KCNH8: variants seen among roughly 807,000 people sequenced by gnomAD.
KCNH8 encodes voltage-gated delayed rectifier potassium channel KCNH8.
In KCNH8, 70 loss-of-function variants were observed where a neutral mutation model predicts 103.6. The ratio of observed to expected loss-of-function variants is 0.68; its 90% CI spans 0.56 to 0.82. The LOEUF (loss-of-function observed/expected upper bound fraction) is 0.82, where lower values mean the gene tolerates loss of function less well. KCNH8 is among the 40% of genes least tolerant of loss of function. The probability of loss-of-function intolerance (pLI) is 0.00; values close to 1 mark genes in which losing one functional copy is unlikely to be tolerated. For missense variants in KCNH8, 1,217 were observed against 1,329.9 expected, an observed-to-expected ratio of 0.92 and a Z score of 1.32; for synonymous variants, 498 against 489.4, an observed-to-expected ratio of 1.02 and a Z score of -0.23.
chr3:19,483,760 C>T (rs925220949), intron 11 of KCNH8, among the ~76,000 whole-genome samples: 2 of 152,056 alleles, frequency 1.3e-5, no homozygotes, highest in African/African-American at 4.8e-5. Context: ...CCAGTCTGGC[C>T]CCATCGATTC....
chr3:19,151,135 C>G (rs1443424670), intron 1 of KCNH8, among the ~76,000 whole-genome samples: 1 of 151,914 alleles, frequency 6.6e-6, no homozygotes, highest in African/African-American at 2.4e-5. Flanking sequence ...ATTTTTCCAG[C>G]TAGCTATTTA....
At chr3:19,467,233 A>G (rs2067757076) in intron 11 of KCNH8, among the ~76,000 whole-genome samples, 1 of 152,106 alleles carries the variant, frequency 6.6e-6, no homozygotes, top group Non-Finnish European at 1.5e-5. Context: ...TTAAAAATAT[A>G]CATGTTAAAA....
At chr3:19,384,938 A>G (rs1325001837) in intron 5 of KCNH8, among the ~76,000 whole-genome samples, 1 of 152,198 alleles carries the variant, frequency 6.6e-6, no homozygotes, top group Non-Finnish European at 1.5e-5. Flanking sequence ...GGGTGGAGGT[A>G]GAACCCAAAT....
At chr3:19,441,096 G>T (rs974390104) in intron 8 of KCNH8, among the ~76,000 whole-genome samples, 2 of 152,140 alleles carry the variant, frequency 1.3e-5, no homozygotes, top group African/African-American at 4.8e-5. Context: ...GTGGAGGCGG[G>T]CACCTCAGCA....
At chr3:19,345,264 T>C (rs1417771484) in intron 4 of KCNH8, among the ~76,000 whole-genome samples, 1 of 152,072 alleles carries the variant, frequency 6.6e-6, no homozygotes. Context: ...CAAATGCATT[T>C]TTCTGGCGGG....
intron 1 of KCNH8, among the ~76,000 whole-genome samples, chr3:19,191,278 C>G (rs1444777392): frequency 6.6e-6 from 1 of 151,774 alleles, no homozygotes; most frequent in Non-Finnish European, 1.5e-5. Flanking sequence ...ATCATGATCT[C>G]ACTGTAGTTG....
At chr3:19,434,459 G>A (rs763590173) in intron 7 of KCNH8, among the ~76,000 whole-genome samples, 60 of 152,194 alleles carry the variant, frequency 3.9e-4, no homozygotes, top group Non-Finnish European at 6.6e-4. Context: ...CACTTCTGCA[G>A]CTGAGTAGTC....
At chr3:19,329,739 T>C (rs1482430041) in intron 3 of KCNH8, among the ~76,000 whole-genome samples, 2 of 152,174 alleles carry the variant, frequency 1.3e-5, no homozygotes, top group East Asian at 1.9e-4. Context: ...AGCATTTCAA[T>C]TCCAGGAGAA....
Position 19,343,985 on chromosome 3 carries a change from A to ATTT in KCNH8, c.570+1283_570+1285dup, listed in dbSNP as rs67333323. 2.1e-3 allele frequency among the ~76,000 whole-genome samples: 300 copies of ATTT among 145,058 alleles called. 1 individual carries two copies. The East Asian group carries it at 0.034, about 17-fold the overall frequency. On this transcript the variant is annotated intron_variant, in intron 4 of 15. Transcript: ENST00000328405. ...CATGTACCACTGTGGTCACGCTTTG[A>ATTT]TTTTTTTTTTTTTTGGTCCTAATTC... is the stretch of plus-strand genomic sequence containing the variant.
At chr3:19,153,467 A>C (rs1189224279) in intron 1 of KCNH8, among the ~76,000 whole-genome samples, 2 of 152,142 alleles carry the variant, frequency 1.3e-5, no homozygotes, top group African/African-American at 4.8e-5. Flanking sequence ...AAGGACAAAA[A>C]GTCTTTACAG....
chr3:19,371,397 A>G (rs2066093013), intron 5 of KCNH8, among the ~76,000 whole-genome samples: 1 of 151,510 alleles, frequency 6.6e-6, no homozygotes, highest in Non-Finnish European at 1.5e-5. Context: ...TTTTGGCTGC[A>G]TAAATGTCTT....
At chr3:19,532,017 T>G (rs1323915626) in intron 15 of KCNH8, among the ~76,000 whole-genome samples, 1 of 152,212 alleles carries the variant, frequency 6.6e-6, no homozygotes, top group Non-Finnish European at 1.5e-5. Context: ...AAAATACATG[T>G]GTGTGTCCTG....
At chr3:19,384,209 A>G (rs2066325910) in intron 5 of KCNH8, among the ~76,000 whole-genome samples, 1 of 152,226 alleles carries the variant, frequency 6.6e-6, no homozygotes, top group Non-Finnish European at 1.5e-5. Context: ...ACCTGCAAGC[A>G]AGATCACAGA....
chr3:19,523,578 G>A (rs538550899), intron 15 of KCNH8, among the ~76,000 whole-genome samples: 1 of 152,046 alleles, frequency 6.6e-6, no homozygotes, highest in South Asian at 2.1e-4. Context: ...GAATGTCACT[G>A]CTTGGCTGTT....
At chr3:19,430,920 T>C (rs2067111707) in intron 7 of KCNH8, among the ~76,000 whole-genome samples, 1 of 152,210 alleles carries the variant, frequency 6.6e-6, no homozygotes, top group Non-Finnish European at 1.5e-5. Context: ...TAGAATCATA[T>C]CATCTGCAAA....
intron 3 of KCNH8, among the ~76,000 whole-genome samples, chr3:19,315,225 A>G (rs1485225170): frequency 6.6e-6 from 1 of 151,968 alleles, no homozygotes; most frequent in Non-Finnish European, 1.5e-5. Flanking sequence ...AAGAAAATGA[A>G]GGTTCTATTT....
intron 2 of KCNH8, among the ~76,000 whole-genome samples, chr3:19,262,378 G>A (rs1054548159): frequency 6.6e-6 from 1 of 151,778 alleles, no homozygotes; most frequent in African/African-American, 2.4e-5. Flanking sequence ...TTTACACTTA[G>A]TTATTCAATA....
chr3:19,169,200 A>G (rs966070196), intron 1 of KCNH8, among the ~76,000 whole-genome samples: 14 of 151,716 alleles, frequency 9.2e-5, no homozygotes, highest in African/African-American at 3.4e-4. Flanking sequence ...TGCCTCTTAG[A>G]AACTCCACCC....
chr3:19,296,011 G>C (rs1226093702), intron 3 of KCNH8, among the ~76,000 whole-genome samples: 1 of 152,076 alleles, frequency 6.6e-6, no homozygotes, highest in Non-Finnish European at 1.5e-5. Context: ...GTGTCCAGGA[G>C]TCACTATGTA....
Sources: allele counts gnomAD v4.1 joint callset (sites outside exome capture counted in the v4.1 genomes callset), GRCh38; gene constraint gnomAD v4.1.1; transcripts MANE v1.5; gene names NCBI Gene and HGNC (gene_info 2026-07-23, HGNC 2026-07-21).